The following LEMD1 variants were observed in gnomAD, a reference collection of about 807,000 sequenced individuals.
The protein encoded by LEMD1 is LEM domain-containing protein 1.
Under a neutral mutation model 17.4 loss-of-function variants are expected in LEMD1, and 18 were observed. The observed-to-expected ratio is 1.04, with a 90% CI of 0.72 to 1.54. The LOEUF (loss-of-function observed/expected upper bound fraction) is 1.54, where lower values mean the gene tolerates loss of function less well. LEMD1 is among the 40% of genes most tolerant of loss of function. The pLI is 0.00. For missense variants in LEMD1, 195 were observed against 210.4 expected, an observed-to-expected ratio of 0.93 and a Z score of 0.45; for synonymous variants, 88 against 77.8, an observed-to-expected ratio of 1.13 and a Z score of -0.69.
chr1:205,437,048 G>A (rs951515443), intron 1 of LEMD1: 1 of 152,668 alleles, frequency 6.6e-6, no homozygotes, highest in Non-Finnish European at 1.5e-5. Flanking sequence ...TCTCCATCCA[G>A]AAACAATCAC....
chr1:205,403,824 C>T (rs1664964567), intron 4 of LEMD1, among the ~76,000 whole-genome samples: 1 of 151,884 alleles, frequency 6.6e-6, no homozygotes, highest in Admixed American at 6.6e-5. Flanking sequence ...TTCCTGCTTT[C>T]TCTTGTGGGC....
chr1:205,389,033 C>CTTTTTTTTTTTTTTTTTTTTTT (rs1278093645), intron 4 of LEMD1, among the ~76,000 whole-genome samples: 1 of 77,090 alleles, frequency 1.3e-5, no homozygotes. Flanking sequence ...AGTACATTTG[C>CTTTTTTTTTTTTTTTTTTTTTT]TTTCTTTTTT....
intron 1 of LEMD1, among the ~76,000 whole-genome samples, chr1:205,429,442 A>C (rs1291037383): frequency 1.3e-5 from 2 of 152,158 alleles, no homozygotes; most frequent in African/African-American, 4.8e-5. Context: ...GGCAGATATG[A>C]GGGCTGAGAT....
intron 4 of LEMD1, among the ~76,000 whole-genome samples, chr1:205,397,856 AT>A (rs1037701968): frequency 6.6e-6 from 1 of 152,180 alleles, no homozygotes; most frequent in East Asian, 1.9e-4. Flanking sequence ...ACAAATCCAT[AT>A]TTTTTTCTAC....
rs1293748862 is a variant in LEMD1 at position 205,441,517 on chromosome 1, T to A, written c.-39+8351A>T. ...TGCACACACGACAGGCCCTCCTCCA[T>A]CCAAATGCGGACCCCTTCATCCAGT... On this transcript the variant is annotated intron_variant, in intron 1 of 3. Transcript: ENST00000367154. The surrounding 1 kb of genome is among the most constrained non-coding windows in gnomAD (Gnocchi z 4.3). 6.6e-6 allele frequency among the ~76,000 whole-genome samples: 1 copy of A among 152,108 alleles called. No individual in the cohort carries two copies. Among genetic ancestry groups the A allele is most frequent in the Non-Finnish European group, 1.5e-5 (1 of 68,010 alleles).
At chr1:205,413,902 T>A (rs1479445521) in intron 4 of LEMD1, among the ~76,000 whole-genome samples, 1 of 151,942 alleles carries the variant, frequency 6.6e-6, no homozygotes, top group Non-Finnish European at 1.5e-5. Context: ...GATCCACCCA[T>A]CTTAATGCCA....
chr1:205,447,362 GAAATTAA>G (rs1391697879), intron 1 of LEMD1, among the ~76,000 whole-genome samples: 10 of 152,188 alleles, frequency 6.6e-5, no homozygotes, highest in Non-Finnish European at 1.2e-4. Context: ...GTTGGTTGGT[GAAATTAA>G]GGGCTCTGAG....
intron 4 of LEMD1, among the ~76,000 whole-genome samples, chr1:205,413,677 T>A (rs1665560379): frequency 7.0e-6 from 1 of 142,248 alleles, no homozygotes; most frequent in Admixed American, 7.3e-5. Context: ...TTTGAGAGTC[T>A]CCTCTCACTC....
At chr1:205,382,731 T>C (rs959834636) in intron 5 of LEMD1, among the ~76,000 whole-genome samples, 1 of 152,190 alleles carries the variant, frequency 6.6e-6, no homozygotes, top group Non-Finnish European at 1.5e-5. Flanking sequence ...GCTGGGAAAT[T>C]GTATAAGTGG....
intron 4 of LEMD1, among the ~76,000 whole-genome samples, chr1:205,390,392 G>C (rs1664279831): frequency 6.6e-6 from 1 of 151,386 alleles, no homozygotes; most frequent in Non-Finnish European, 1.5e-5. Context: ...AGTAAACCAG[G>C]AATAGGAACT....
intron 5 of LEMD1, among the ~76,000 whole-genome samples, chr1:205,383,437 A>G (rs1261798892): frequency 1.3e-5 from 2 of 152,030 alleles, no homozygotes; most frequent in Admixed American, 1.3e-4. Context: ...TGTAAAGATC[A>G]AATCAGGGTA....
intron 4 of LEMD1, among the ~76,000 whole-genome samples, chr1:205,407,365 G>T (rs565625607): frequency 6.6e-6 from 1 of 150,636 alleles, no homozygotes; most frequent in African/African-American, 2.4e-5. Flanking sequence ...TGAACTTGGA[G>T]CCCCACCCCC....
Position 205,441,482 on chromosome 1 carries a change from T to C in LEMD1, c.-39+8386A>G, listed in dbSNP as rs1247486226. ...GTTCTAGCTGGGGGCTTCCACTCGC[T>C]TCTGCAGGTTGCACACACGACAGGC... On this transcript the variant is annotated intron_variant, in intron 1 of 3. Coordinates refer to the LEMD1 transcript ENST00000367154. The surrounding 1 kb of genome is among the most constrained non-coding windows in gnomAD (Gnocchi z 4.3). 6.6e-6 allele frequency among the ~76,000 whole-genome samples: 1 copy of C among 152,186 alleles called. No homozygotes were observed. Among genetic ancestry groups the C allele is most frequent in the Non-Finnish European group, 1.5e-5 (1 of 68,032 alleles).
In LEMD1 at chr1:205,416,296, T is replaced by C; in HGVS notation, c.206A>G (p.Glu69Gly). The change falls in exon 4 of 6, where the codon GAG becomes GGG. Residue 69 changes from glutamate (E) to glycine (G), a missense_variant and splice_region_variant. Coordinates refer to ENST00000367153, the MANE Select transcript of LEMD1 (RefSeq NM_001199050.2). ...ATTTCCTTGCAAAATGATATTAAGC[T>C]CTGGATCATGGGAAACAAAAGGAAA... is the stretch of plus-strand genomic sequence containing the variant. ...DGAQDSDDSE[E>G]LNIILQGNII... is the part of the protein sequence containing the mutation. 6.5e-7 allele frequency: 1 copy of C among 1,545,970 alleles called. No individual in the cohort carries two copies. Among genetic ancestry groups the C allele is most frequent in the South Asian group, 1.2e-5 (1 of 83,426 alleles).
intron 4 of LEMD1, among the ~76,000 whole-genome samples, chr1:205,412,145 G>C (rs1372600435): frequency 1.3e-5 from 2 of 152,052 alleles, no homozygotes; most frequent in African/African-American, 2.4e-5. Flanking sequence ...CTTACTCAAA[G>C]CCCATTTTAT....
chr1:205,395,819 G>T (rs1664567536), intron 4 of LEMD1, among the ~76,000 whole-genome samples: 1 of 151,880 alleles, frequency 6.6e-6, no homozygotes, highest in South Asian at 2.1e-4. Context: ...AATAAAAAAT[G>T]GGCAAAAGAC....
chr1:205,400,843 T>TCCCCCCCCCCCC (rs58251224), intron 4 of LEMD1, among the ~76,000 whole-genome samples: 5 of 79,684 alleles, frequency 6.3e-5, no homozygotes, highest in Admixed American at 1.5e-4. Context: ...ATGCTATCCC[T>TCCCCCCCCCCCC]CCCCCCCCCC....
intron 1 of LEMD1, chr1:205,437,289 G>A (rs1346085975): frequency 1.3e-5 from 2 of 152,886 alleles, no homozygotes; most frequent in African/African-American, 2.4e-5. Context: ...AGAATCACTT[G>A]AGCATCTATC....
At chr1:205,442,085 A>G in intron 1 of LEMD1, among the ~76,000 whole-genome samples, 1 of 151,998 alleles carries the variant, frequency 6.6e-6, no homozygotes, top group Admixed American at 6.6e-5. Context: ...ATGGAAAGGG[A>G]GCAGAAGTGC....
Sources: allele counts gnomAD v4.1 joint callset (sites outside exome capture counted in the v4.1 genomes callset), GRCh38; gene constraint gnomAD v4.1.1; non-coding constraint Gnocchi (gnomAD v3.1); transcripts MANE v1.5; gene names NCBI Gene and HGNC (gene_info 2026-07-23, HGNC 2026-07-21).